Variants in ZRSR2 observed in about 807,000 individuals in gnomAD.
ZRSR2 encodes U2 small nuclear ribonucleoprotein auxiliary factor 35 kDa subunit-related protein 2.
ZRSR2 carries 3 observed loss-of-function variants against 39.4 expected under a neutral mutation model. The ratio of observed to expected loss-of-function variants is 0.08; its 90% CI spans 0.03 to 0.20. ZRSR2 has a LOEUF of 0.20. Among genes scored for constraint, ZRSR2 ranks in the 10% least tolerant of loss-of-function variants. The pLI is 1.00. For missense variants in ZRSR2, 256 were observed against 391.5 expected, an observed-to-expected ratio of 0.65 and a Z score of 2.92; for synonymous variants, 137 against 136.0, an observed-to-expected ratio of 1.01 and a Z score of -0.05.
At chrX:15,798,626 A>G (rs1932558012) in intron 2 of ZRSR2, among the ~76,000 whole-genome samples, 1 of 111,617 alleles carries the variant, frequency 9.0e-6, no homozygotes, top group African/African-American at 3.3e-5. Context: ...ACCTGAGTAC[A>G]TGAGCAAGTA....
chrX:15,811,835 C>T (rs1932888461), intron 7 of ZRSR2, among the ~76,000 whole-genome samples: 2 of 112,579 alleles, frequency 1.8e-5, no homozygotes, highest in Admixed American at 9.4e-5. Context: ...GCCCGTCATG[C>T]TCTCAGATCC....
chrX:15,801,175 A>C, intron 3 of ZRSR2: 1 of 133,292 alleles, frequency 7.5e-6, no homozygotes, highest in Non-Finnish European at 1.5e-5. Flanking sequence ...CTATTTGTAG[A>C]TTGCTCAAGT....
At chrX:15,799,186 A>C (rs1601809933) in intron 2 of ZRSR2, among the ~76,000 whole-genome samples, 1 of 26,545 alleles carries the variant, frequency 3.8e-5, no homozygotes, top group Non-Finnish European at 6.5e-5. Flanking sequence ...CTCCCGTCTC[A>C]AAAAAAAAAA....
At chrX:15,804,258 A>G in intron 5 of ZRSR2, 61 bp downstream of exon 5, 1 of 1,104,010 alleles carries the variant, frequency 9.1e-7, no homozygotes, top group South Asian at 2.6e-5. Flanking sequence ...TAGGCATGTC[A>G]GAGTTTGGGT....
intron 3 of ZRSR2, chrX:15,801,218 T>C (rs1030933555): frequency 3.8e-5 from 5 of 132,216 alleles, no homozygotes; most frequent in Non-Finnish European, 7.6e-5. Context: ...TACATGTTTT[T>C]TTAAAATTTG....
chrX:15,809,174 A>G (rs1932842855), intron 6 of ZRSR2, 26 bp from the exon 7 acceptor site: 5 of 1,059,271 alleles, frequency 4.7e-6, no homozygotes, highest in Non-Finnish European at 6.6e-6. Context: ...TTACTCCACC[A>G]GTAAAGTCAT....
intron 7 of ZRSR2, among the ~76,000 whole-genome samples, chrX:15,811,659 A>G (rs932311868): frequency 1.8e-5 from 2 of 111,385 alleles, no homozygotes; most frequent in Non-Finnish European, 3.8e-5. Flanking sequence ...ATCTCTTGAC[A>G]TTGTGATCCA....
rs766374131 is a variant in ZRSR2, at chrX:15,823,136, G to A, written c.1343G>A (p.Arg448His). The A allele has an allele frequency of 1.7e-6, 2 of 1,203,924 alleles. No homozygotes were observed. Among genetic ancestry groups the A allele is most frequent in the African/African-American group, 3.5e-5 (2 of 56,945 alleles). The part of the protein sequence containing the change: ...GSRSRSRSRS[R>H]RSRRSRSQSS... ...CGGAGCCGGAGCCGGAGCCGGAGCC[G>A]CAGGAGCCGCCGCAGCCGGAGCCAA... The change falls in exon 11 of 11, where the codon CGC becomes CAC. Residue 448 changes from arginine (R) to histidine (H), a missense_variant. Physicochemically the swap from Arg to His is conservative, Grantham distance 29 (BLOSUM62 0). Around this residue, in one of 3 missense-constraint regions of ZRSR2, gnomAD observed 111 missense variants for 116.7 expected, o/e 0.95. Transcript: ENST00000307771.
At chrX:15,813,342 G>GT (rs1213255165) in intron 7 of ZRSR2, among the ~76,000 whole-genome samples, 1 of 111,976 alleles carries the variant, frequency 8.9e-6, no homozygotes, top group Non-Finnish European at 1.9e-5. Context: ...GAAAATATGG[G>GT]TCCCCCACCC....
intron 7 of ZRSR2, among the ~76,000 whole-genome samples, chrX:15,815,404 C>G (rs1200092641): frequency 8.9e-6 from 1 of 112,715 alleles, no homozygotes; most frequent in African/African-American, 3.2e-5. Flanking sequence ...TCAAGTGATT[C>G]TCCTACCTCA....
intron 10 of ZRSR2, among the ~76,000 whole-genome samples, chrX:15,821,988 T>C (rs1402196430): frequency 1.8e-4 from 20 of 110,622 alleles, no homozygotes; most frequent in Non-Finnish European, 1.9e-5. Flanking sequence ...CTATGTTTAA[T>C]AGGCCTTCTC....
Position 15,799,913 on chromosome X carries a change from G to A in ZRSR2, c.163G>A (p.Glu55Lys), listed in dbSNP as rs1555899273. ...KEEEEDTFIEEQQLEEEKLLE... is the reference protein window; with the variant it reads ...KEEEEDTFIEKQQLEEEKLLE... ...GGAAGAGGAGGACACTTTTATTGAAGAACAACAACTAGAAGAAGAGAAGCT... is the reference window on the plus strand; with the variant it reads ...GGAAGAGGAGGACACTTTTATTGAAAAACAACAACTAGAAGAAGAGAAGCT... The change falls in exon 3 of 11, where the codon GAA becomes AAA. Residue 55 changes from glutamate to lysine, a missense_variant. By Grantham distance (56) the Glu-to-Lys change is moderately conservative. This residue lies in a region of ZRSR2 where 87 missense variants were observed against 111.7 expected (regional missense o/e 0.78). Transcript: ENST00000307771. The A allele has an allele frequency of 1.7e-6, 2 of 1,204,518 alleles. No individual in the cohort carries two copies. Among genetic ancestry groups the A allele is most frequent in the South Asian group, 3.6e-5 (2 of 56,184 alleles).
intron 10 of ZRSR2, among the ~76,000 whole-genome samples, chrX:15,821,276 A>T (rs191016604): frequency 9.1e-6 from 1 of 110,090 alleles, no homozygotes; most frequent in African/African-American, 3.3e-5. Context: ...GTGTGAGTTC[A>T]GTGAGGAGCT....
chrX:15,804,990 T>A (rs1206931768), intron 5 of ZRSR2, among the ~76,000 whole-genome samples: 1 of 112,053 alleles, frequency 8.9e-6, no homozygotes, highest in Non-Finnish European at 1.9e-5. Flanking sequence ...TGACAGTATA[T>A]TTATTTCAGA....
chrX:15,818,183 A>G (rs771104197), intron 8 of ZRSR2, among the ~76,000 whole-genome samples: 11 of 112,419 alleles, frequency 9.8e-5, no homozygotes, highest in Non-Finnish European at 1.7e-4. Flanking sequence ...TAGCCTGTGG[A>G]GAGTGTTCAC....
chrX:15,813,670 T>C (rs1208973312), intron 7 of ZRSR2, among the ~76,000 whole-genome samples: 2 of 111,998 alleles, frequency 1.8e-5, no homozygotes, highest in African/African-American at 6.5e-5. Context: ...TGAGCAGAAT[T>C]TTAACCTCAT....
intron 7 of ZRSR2, among the ~76,000 whole-genome samples, chrX:15,811,829 G>A (rs1022128789): frequency 8.9e-6 from 1 of 112,511 alleles, no homozygotes; most frequent in Non-Finnish European, 1.9e-5. Context: ...GGAATGGCCC[G>A]TCATGCTCTC....
chrX:15,795,084 CT>C (rs58819139), intron 2 of ZRSR2, among the ~76,000 whole-genome samples: 18,644 of 61,094 alleles, frequency 0.31, 2,135 homozygotes, highest in East Asian at 0.59. Context: ...CCCCCCTGCA[CT>C]TTTCCCCCCC....
intron 7 of ZRSR2, among the ~76,000 whole-genome samples, chrX:15,813,216 A>G (rs1932911795): frequency 8.9e-6 from 1 of 112,194 alleles, no homozygotes; most frequent in African/African-American, 3.2e-5. Flanking sequence ...ATATCCAACA[A>G]CTGTGGGTTT....
Sources: allele counts gnomAD v4.1 joint callset (sites outside exome capture counted in the v4.1 genomes callset), GRCh38; gene constraint gnomAD v4.1.1; regional missense constraint gnomAD v4.1.1; transcripts MANE v1.5; gene names NCBI Gene and HGNC (gene_info 2026-07-23, HGNC 2026-07-21).